The following COLEC12 variants were observed in gnomAD, a reference collection of about 807,000 sequenced individuals.
COLEC12 encodes collectin-12.
Under a neutral mutation model 71.1 loss-of-function variants are expected in COLEC12, and 33 were observed. The observed-to-expected ratio is 0.46, with a 90% CI of 0.35 to 0.62. COLEC12 has a LOEUF of 0.62. COLEC12 is among the 20% of genes least tolerant of loss of function. The pLI, the probability that COLEC12 is intolerant of heterozygous loss-of-function variation, is 0.00. For missense variants in COLEC12, 765 were observed against 916.1 expected (o/e 0.84, Z 2.13); for synonymous variants, 350 against 353.0 (o/e 0.99, Z 0.10).
At chr18:462,000 T>C (rs1473948591) in intron 2 of COLEC12, among the ~76,000 whole-genome samples, 1 of 152,238 alleles carries the variant, frequency 6.6e-6, no homozygotes, top group Non-Finnish European at 1.5e-5. Flanking sequence ...CAATTCTATC[T>C]CTTTTTAGTT....
In COLEC12 at chr18:346,876, A is replaced by C. The variant is rs1217662003; in HGVS notation, c.746T>G (p.Leu249Arg). The C allele has an allele frequency of 1.2e-6, 2 of 1,614,206 alleles. No individual in the cohort carries two copies. Among genetic ancestry groups the C allele is most frequent in the East Asian group, 4.5e-5 (2 of 44,888 alleles). ...NDFQNLQQVFLQAKKDTDWLK... is the reference protein window; with the variant it reads ...NDFQNLQQVFRQAKKDTDWLK... ...CCAATCCGTGTCCTTCTTGGCTTGAAGAAAAACCTGCTGCAGATTTTGAAA... is the reference window on the plus strand; with the variant it reads ...CCAATCCGTGTCCTTCTTGGCTTGACGAAAAACCTGCTGCAGATTTTGAAA... Residue 249 changes from leucine to arginine, a missense_variant, in exon 5 of 10, where the codon CTT (leucine) becomes CGT (arginine). Transcript: ENST00000400256. The surrounding 1 kb of genome is among the most constrained non-coding windows in gnomAD (Gnocchi z 4.0).
rs560995075 is a variant in COLEC12, at chr18:425,925, C to G, written c.58+54782G>C. 2.0e-5 allele frequency among the ~76,000 whole-genome samples: 3 copies of G among 152,210 alleles called. No homozygotes were observed. The South Asian group carries it at 6.2e-4, about 31-fold the overall frequency. ...GAGCCATAACATAATCACATCTCAT[C>G]TTGGTATAGCATTTTTCATTTTCCC... On this transcript the variant is annotated intron_variant, in intron 2 of 9. Transcript: ENST00000400256.
chr18:408,108 G>A lies in COLEC12; in HGVS notation c.59-50586C>T, dbSNP rs566347380. On this transcript the variant is annotated intron_variant, in intron 2 of 9. Coordinates refer to ENST00000400256, the MANE Select transcript of COLEC12 (RefSeq NM_130386.3). The surrounding 1 kb of genome is among the most constrained non-coding windows in gnomAD (Gnocchi z 4.3). ...AATAACTCTAATTCAGAATGCAAGA[G>A]GTTAAGTCAATTTCTTTGGTTTTCA... Among the ~76,000 whole-genome samples the A allele has an allele frequency of 1.3e-5, 2 of 152,296 alleles. No homozygotes were observed. Among genetic ancestry groups the A allele is most frequent in the African/African-American group, 4.8e-5 (2 of 41,552 alleles).
In COLEC12 at chr18:500,595, T is replaced by C; in HGVS notation, c.-81A>G. 1 of 1,134,010 alleles carries C rather than the reference T, an allele frequency of 8.8e-7. No homozygotes were observed. The highest frequency in any genetic ancestry group is 1.1e-6 in the Non-Finnish European group (1 of 908,170). 70.2% of individuals were successfully genotyped at this position (1,134,010 alleles called of 1,614,324 possible). On this transcript the variant is annotated 5_prime_UTR_variant, in exon 1 of 10. The change abolishes the stop of an existing upstream ORF in the 5' untranslated region. Transcript: ENST00000400256. The surrounding 1 kb of genome is among the most constrained non-coding windows in gnomAD (Gnocchi z 5.3). The stretch of plus-strand genomic sequence containing the variant: ...CGAGGAAGTCGTCCCGAGCGGCTGC[T>C]CACCGCACGCCCATGGTAGCCGCGC...
chr18:401,045 A>T (rs1915674613), intron 2 of COLEC12, among the ~76,000 whole-genome samples: 1 of 152,132 alleles, frequency 6.6e-6, no homozygotes, highest in South Asian at 2.1e-4. Flanking sequence ...TCAGTGAAGG[A>T]ACTTTTTTCT....
intron 2 of COLEC12, among the ~76,000 whole-genome samples, chr18:375,091 T>C (rs772440466): frequency 1.3e-5 from 2 of 152,234 alleles, no homozygotes; most frequent in South Asian, 2.1e-4. Flanking sequence ...GCAGCTGCAG[T>C]GCACAAATAG....
intron 2 of COLEC12, among the ~76,000 whole-genome samples, chr18:451,673 G>A (rs1201911994): frequency 6.6e-6 from 1 of 152,072 alleles, no homozygotes; most frequent in Non-Finnish European, 1.5e-5. Context: ...CTGGAACCTG[G>A]GAGGCGGAGG....
chr18:474,898 C>A (rs1917273844), intron 2 of COLEC12, among the ~76,000 whole-genome samples: 1 of 152,034 alleles, frequency 6.6e-6, no homozygotes, highest in African/African-American at 2.4e-5. Context: ...CAGGATAAAA[C>A]CCCGTCTCTA....
At chr18:422,632 T>C (rs904717660) in intron 2 of COLEC12, among the ~76,000 whole-genome samples, 1 of 151,762 alleles carries the variant, frequency 6.6e-6, no homozygotes, top group Non-Finnish European at 1.5e-5. Flanking sequence ...TATATTTTTA[T>C]AGATTATTTT....
At chr18:462,947 AAAGTGT>A (rs1254192472) in intron 2 of COLEC12, among the ~76,000 whole-genome samples, 3 of 152,214 alleles carry the variant, frequency 2.0e-5, no homozygotes, top group Non-Finnish European at 4.4e-5. Context: ...TAAGAAACAT[AAAGTGT>A]AATAGCTCAG....
chr18:326,716 G>A (rs898428010), intron 8 of COLEC12, among the ~76,000 whole-genome samples: 3 of 152,136 alleles, frequency 2.0e-5, no homozygotes, highest in Non-Finnish European at 4.4e-5. Flanking sequence ...GTTCATCTTG[G>A]TGAATGTACC....
chr18:366,612 A>T (rs571662904), intron 2 of COLEC12, among the ~76,000 whole-genome samples: 1 of 152,262 alleles, frequency 6.6e-6, no homozygotes, highest in East Asian at 1.9e-4. Flanking sequence ...CATTTCCCTA[A>T]GCAAAGGAGC....
chr18:338,383 C>G (rs1189150993), intron 5 of COLEC12, among the ~76,000 whole-genome samples: 7 of 152,302 alleles, frequency 4.6e-5, no homozygotes, highest in Non-Finnish European at 8.8e-5. Flanking sequence ...AATTTGTGCC[C>G]CAGGTGAGAT....
At chr18:495,229 G>A (rs1373018645) in intron 1 of COLEC12, among the ~76,000 whole-genome samples, 1 of 152,168 alleles carries the variant, frequency 6.6e-6, no homozygotes, top group Non-Finnish European at 1.5e-5. Context: ...CTTCCCTTAA[G>A]GTTTGGATGG....
chr18:326,495 C>G (rs566661982), intron 8 of COLEC12, among the ~76,000 whole-genome samples: 30 of 152,246 alleles, frequency 2.0e-4, no homozygotes, highest in African/African-American at 6.7e-4. Context: ...TTACAGGCAT[C>G]CGCCACCACA....
At chr18:420,553 G>A (rs1916078018) in intron 2 of COLEC12, among the ~76,000 whole-genome samples, 1 of 152,122 alleles carries the variant, frequency 6.6e-6, no homozygotes. Flanking sequence ...GTAAAGCAAA[G>A]GGGGTTCTGG....
chr18:379,739 C>T (rs1003678375), intron 2 of COLEC12, among the ~76,000 whole-genome samples: 1 of 151,790 alleles, frequency 6.6e-6, no homozygotes, highest in African/African-American at 2.4e-5. Flanking sequence ...ATGGTTCGGT[C>T]GAGAAAGCCG....
chr18:383,756 CAGGCTGCTAAT>C (rs1915284710), intron 2 of COLEC12, among the ~76,000 whole-genome samples: 7 of 152,214 alleles, frequency 4.6e-5, no homozygotes, highest in Admixed American at 3.3e-4. Context: ...AGTCCATTCT[CAGGCTGCTAAT>C]ACAGACATAC....
At position 399,601 on chromosome 18, in the gene COLEC12, T is replaced by G. The variant is rs1478942200; in HGVS notation, c.59-42079A>C. On this transcript the variant is annotated intron_variant, in intron 2 of 9. Coordinates refer to ENST00000400256, the MANE Select transcript of COLEC12 (RefSeq NM_130386.3). This position sits in a 1 kb window ranked among gnomAD's most constrained non-coding sequence, Gnocchi z 4.0. ...TCTCCACCCTCATCTGAAGCTTTTG[T>G]CTAAGTCTCCCTGGCAGGTTATTTG... Among the ~76,000 whole-genome samples, 1 of 152,240 alleles carries G rather than the reference T, an allele frequency of 6.6e-6. No homozygotes were observed. Among genetic ancestry groups the G allele is most frequent in the Non-Finnish European group, 1.5e-5 (1 of 68,034 alleles).
Sources: allele counts gnomAD v4.1 joint callset (sites outside exome capture counted in the v4.1 genomes callset), GRCh38; gene constraint gnomAD v4.1.1; non-coding constraint Gnocchi (gnomAD v3.1); transcripts MANE v1.5; gene names NCBI Gene and HGNC (gene_info 2026-07-23, HGNC 2026-07-21).